Variants in ECHDC1 observed in about 807,000 individuals in gnomAD.
ECHDC1 encodes the protein ethylmalonyl-CoA decarboxylase.
ECHDC1 carries 29 observed loss-of-function variants against 29.7 expected under a neutral mutation model. The observed-to-expected ratio is 0.98, with a 90% CI of 0.73 to 1.33. The LOEUF (loss-of-function observed/expected upper bound fraction) is 1.33. Ranked by LOEUF, ECHDC1 falls within the 40% of genes most tolerant of loss-of-function variation. ECHDC1 has a pLI of 0.00. For missense variants in ECHDC1, 328 were observed against 350.0 expected, an observed-to-expected ratio of 0.94 and a Z score of 0.50; for synonymous variants, 126 against 123.1, an observed-to-expected ratio of 1.02 and a Z score of -0.15.
intron 5 of ECHDC1, among the ~76,000 whole-genome samples, chr6:127,304,332 G>A (rs780945987): frequency 1.2e-4 from 18 of 152,178 alleles, no homozygotes; most frequent in Non-Finnish European, 2.5e-4. Flanking sequence ...AAGAACCAGA[G>A]CATTACGGGG....
rs747141612 is a variant in ECHDC1 at position 127,290,291 on chromosome 6, AAG to A, written c.498-16_498-15del. 1.3e-6 allele frequency: 2 copies of A among 1,599,756 alleles called. No homozygotes were observed. The highest frequency in any genetic ancestry group is 1.7e-6 in the Non-Finnish European group (2 of 1,174,642). ...GGAGTCATTAACCTGTAAAAGAAAA[AAG>A]AAAAGCTTAATTGTAACTCTCTCTG... On this transcript the variant is annotated splice_polypyrimidine_tract_variant and intron_variant, in intron 5 of 5. Coordinates refer to ENST00000454859, the MANE Select transcript of ECHDC1 (RefSeq NM_001002030.2).
intron 5 of ECHDC1, 91 bp from the exon 6 acceptor site, chr6:127,290,368 C>A: frequency 7.6e-7 from 1 of 1,319,444 alleles, no homozygotes; most frequent in Non-Finnish European, 1.0e-6. Flanking sequence ...TGTGAATTCT[C>A]CATAGATCTT....
At chr6:127,329,889 A>G (rs1294711492) in intron 2 of ECHDC1, 1 of 455,368 alleles carries the variant, frequency 2.2e-6, no homozygotes, top group Admixed American at 2.4e-5. Context: ...AATTCTGGTA[A>G]GTGGAGAGAA....
chr6:127,327,310 A>C (rs1783440033), intron 2 of ECHDC1, among the ~76,000 whole-genome samples, 166 bp from the exon 3 acceptor site: 1 of 152,194 alleles, frequency 6.6e-6, no homozygotes, highest in African/African-American at 2.4e-5. Flanking sequence ...GAGTATACAG[A>C]AGAGGTACAC....
In ECHDC1 at chr6:127,308,278, A is replaced by G. The variant is rs553746211; in HGVS notation, c.497+6538T>C. Among the ~76,000 whole-genome samples, 36 of 152,298 alleles carry G rather than the reference A, an allele frequency of 2.4e-4. No individual in the cohort carries two copies. In the South Asian group the frequency reaches 7.3e-3, roughly 31 times the overall value. On this transcript the variant is annotated intron_variant, in intron 5 of 5. Transcript: ENST00000454859. The stretch of plus-strand genomic sequence containing the variant: ...ATACTAGCAAACTGAATTCAACAAT[A>G]TATTAAAAAGATCATTCAACATGAC...
At chr6:127,305,678 ATT>A (rs1781385381) in intron 5 of ECHDC1, among the ~76,000 whole-genome samples, 1 of 152,164 alleles carries the variant, frequency 6.6e-6, no homozygotes, top group African/African-American at 2.4e-5. Flanking sequence ...AGTTTTTATT[ATT>A]TTCTTTTTGC....
intron 2 of ECHDC1, among the ~76,000 whole-genome samples, chr6:127,327,614 T>C (rs1295979428): frequency 1.3e-5 from 2 of 152,146 alleles, no homozygotes; most frequent in African/African-American, 4.8e-5. Flanking sequence ...ACAATTCCTA[T>C]ACTACTGACA....
intron 4 of ECHDC1, chr6:127,316,169 C>G (rs769265733): frequency 2.2e-6 from 1 of 464,124 alleles, no homozygotes; most frequent in Non-Finnish European, 4.2e-6. Context: ...TTAACTTTCC[C>G]AGTATCTATT....
intron 5 of ECHDC1, among the ~76,000 whole-genome samples, chr6:127,302,247 T>C (rs1465603848): frequency 3.3e-5 from 5 of 152,188 alleles, no homozygotes; most frequent in African/African-American, 9.6e-5. Context: ...ATATGAAGAA[T>C]AGTACAAAAG....
At chr6:127,310,526 T>C (rs1781817553) in intron 5 of ECHDC1, among the ~76,000 whole-genome samples, 1 of 152,264 alleles carries the variant, frequency 6.6e-6, no homozygotes, top group Admixed American at 6.5e-5. Context: ...GAATTAGAAG[T>C]AGAACCTGAA....
chr6:127,291,378 T>C (rs985741450), intron 5 of ECHDC1, among the ~76,000 whole-genome samples: 2 of 149,880 alleles, frequency 1.3e-5, no homozygotes, highest in Non-Finnish European at 3.0e-5. Context: ...GTACACATAA[T>C]AGCTAGACGA....
At chr6:127,333,549 G>A (rs1784153120) in intron 1 of ECHDC1, among the ~76,000 whole-genome samples, 1 of 151,840 alleles carries the variant, frequency 6.6e-6, no homozygotes, top group South Asian at 2.1e-4. Context: ...GTGTGCTGCG[G>A]CCCAGTCTAC....
At chr6:127,321,056 A>G (rs1234364814) in intron 3 of ECHDC1, among the ~76,000 whole-genome samples, 2 of 152,214 alleles carry the variant, frequency 1.3e-5, no homozygotes, top group Non-Finnish European at 2.9e-5. Context: ...GAAAAAATAC[A>G]GTAGTAAAAA....
At chr6:127,293,920 T>C (rs1582924945) in intron 5 of ECHDC1, among the ~76,000 whole-genome samples, 1 of 152,174 alleles carries the variant, frequency 6.6e-6, no homozygotes, top group Non-Finnish European at 1.5e-5. Context: ...GCAAATACTC[T>C]TCTTCTTCGA....
At chr6:127,327,700 T>A (rs1339304609) in intron 2 of ECHDC1, among the ~76,000 whole-genome samples, 5 of 152,178 alleles carry the variant, frequency 3.3e-5, no homozygotes, top group Admixed American at 2.0e-4. Context: ...TAACAAACTG[T>A]CCTCTGAGGG....
At position 127,328,952 on chromosome 6, in the gene ECHDC1, G is replaced by A. The variant is rs896030266; in HGVS notation, c.221-1808C>T. Among the ~76,000 whole-genome samples the A allele has an allele frequency of 3.3e-4, 50 of 152,042 alleles. 1 individual carries two copies. The highest frequency in any genetic ancestry group is 9.7e-4 in the African/African-American group (40 of 41,404). On this transcript the variant is annotated intron_variant, in intron 2 of 5. Transcript: ENST00000454859. ...TGAGGCAGGAGAATGGCGTAAACCCGGGAGGCAGAGCTTGCAGTGAGCTGA... is the reference window on the plus strand; with the variant it reads ...TGAGGCAGGAGAATGGCGTAAACCCAGGAGGCAGAGCTTGCAGTGAGCTGA...
At position 127,333,666 on chromosome 6, in the gene ECHDC1, TACACACACACAC is replaced by T. The variant is rs10523734; in HGVS notation, c.-2-2648_-2-2637del. 4.5e-3 allele frequency among the ~76,000 whole-genome samples: 577 copies of T among 128,134 alleles called. 4 individuals are homozygous for T. The highest frequency in any genetic ancestry group is 0.012 in the African/African-American group (416 of 35,974). 84.1% of individuals were successfully genotyped at this position (128,134 alleles called of 152,430 possible). ...CATATCAATCATACTCTCTTTCTCTTACACACACACACACACACACACACACACACACACACA... is the reference window on the plus strand; with the variant it reads ...CATATCAATCATACTCTCTTTCTCTTACACACACACACACACACACACACA... On this transcript the variant is annotated intron_variant, in intron 1 of 5. Transcript: ENST00000454859.
chr6:127,291,599 G>A (rs1329164824), intron 5 of ECHDC1, among the ~76,000 whole-genome samples: 4 of 152,046 alleles, frequency 2.6e-5, no homozygotes, highest in African/African-American at 4.8e-5. Context: ...CTAAATAAAC[G>A]CCCATGCGTT....
At chr6:127,336,573 G>C (rs1413589995) in intron 1 of ECHDC1, among the ~76,000 whole-genome samples, 1 of 152,038 alleles carries the variant, frequency 6.6e-6, no homozygotes, top group Non-Finnish European at 1.5e-5. Context: ...GAGCTATCCT[G>C]GTCAAATAAA....
Sources: gnomAD v4.1 joint callset for allele counts (sites outside exome capture counted in the v4.1 genomes callset) on GRCh38, gnomAD v4.1.1 for gene constraint, MANE v1.5 for transcripts, NCBI Gene and HGNC (gene_info 2026-07-23, HGNC 2026-07-21) for gene names.